PROC: variants seen among roughly 807,000 people sequenced by gnomAD.
PROC encodes protein C, inactivator of coagulation factors Va and VIIIa.
Under a neutral mutation model 36.3 loss-of-function variants are expected in PROC, and 22 were observed. The observed-to-expected ratio is 0.61, with a 90% CI of 0.43 to 0.86. The LOEUF (loss-of-function observed/expected upper bound fraction) is 0.86, where lower values mean the gene tolerates loss of function less well. PROC is among the 40% of genes least tolerant of loss of function. PROC has a pLI of 0.00. For synonymous variants in PROC, 218 were observed against 244.5 expected (o/e 0.89, Z 1.01); for missense variants, 526 against 629.7 (o/e 0.84, Z 1.76).
At position 127,419,620 on chromosome 2, in the gene PROC, C is replaced by T. The variant is rs1258101010; in HGVS notation, c.-21-302C>T. 7 of 474,520 alleles carry T rather than the reference C, an allele frequency of 1.5e-5. No homozygotes were observed. In the East Asian group the frequency reaches 2.2e-4, roughly 15 times the overall value. 29.4% of individuals were successfully genotyped at this position (474,520 alleles called of 1,614,324 possible). ...TCAACGTTAGCTAATATTCTCAGCC[C>T]AGTCATCAGACCGGCAGAGGCAGCC... On this transcript the variant is annotated intron_variant, in intron 1 of 8. Transcript: ENST00000234071.
rs1481967259 is a variant in PROC, at chr2:127,418,815, A to C, written c.-22+323A>C. ...GTGTCGGATTTGAACAAATCTCAGA[A>C]GTGGCCTCAGAGGGAGTCGGCAAGA... is the stretch of plus-strand genomic sequence containing the variant. On this transcript the variant is annotated intron_variant, in intron 1 of 8. Coordinates refer to ENST00000234071, the MANE Select transcript of PROC (RefSeq NM_000312.4). This position sits in a 1 kb window ranked among gnomAD's most constrained non-coding sequence, Gnocchi z 4.8. Among the ~76,000 whole-genome samples the C allele has an allele frequency of 1.3e-5, 2 of 152,198 alleles. No individual in the cohort carries two copies. The highest frequency in any genetic ancestry group is 2.9e-5 in the Non-Finnish European group (2 of 68,028).
intron 3 of PROC, among the ~76,000 whole-genome samples, chr2:127,421,784 C>A (rs980877866): frequency 6.6e-6 from 1 of 152,224 alleles, no homozygotes; most frequent in Non-Finnish European, 1.5e-5. Flanking sequence ...TAAAGACCAC[C>A]CTGCTTCCAC....
intron 2 of PROC, among the ~76,000 whole-genome samples, chr2:127,420,946 C>A (rs1196469766): frequency 6.6e-6 from 1 of 152,202 alleles, no homozygotes; most frequent in Non-Finnish European, 1.5e-5. Context: ...GGATGTTTTA[C>A]ATGACGGTCT....
intron 3 of PROC, among the ~76,000 whole-genome samples, chr2:127,422,564 G>A (rs1688164283): frequency 6.6e-6 from 1 of 152,284 alleles, no homozygotes; most frequent in South Asian, 2.1e-4. Flanking sequence ...CGCAGGCAGA[G>A]GGAGTGATGG....
At position 127,419,917 on chromosome 2, in the gene PROC, C is replaced by T. The variant is rs41269833; in HGVS notation, c.-21-5C>T. ...CACTGCCCGGAGCTCAGAAGTCCTC[C>T]TCAGACAGGTGCCAGTGCCTCCAGA... On this transcript the variant is annotated splice_polypyrimidine_tract_variant and splice_region_variant and intron_variant, in intron 1 of 8. Transcript: ENST00000234071. 2.8e-3 allele frequency: 4,462 copies of T among 1,613,952 alleles called. 5 individuals carry two copies. Among genetic ancestry groups the T allele is most frequent in the Non-Finnish European group, 3.2e-3 (3,737 of 1,179,998 alleles).
rs121918153 is a variant in PROC at position 127,426,208 on chromosome 2, G to A, written c.659G>A (p.Arg220Gln). The A allele has an allele frequency of 6.1e-5, 98 of 1,613,960 alleles. 1 individual carries two copies. Among genetic ancestry groups the A allele is most frequent in the South Asian group, 5.2e-4 (47 of 91,096 alleles). Residue 220 changes from arginine (R) to glutamine (Q), a missense_variant, in exon 7 of 9, where the codon CGG becomes CAG. By Grantham distance (43) the Arg-to-Gln change is conservative (BLOSUM62 1). Transcript: ENST00000234071. This position sits in a 1 kb window ranked among gnomAD's most constrained non-coding sequence, Gnocchi z 7.0. ...CTCATTGATGGGAAGATGACCAGGCGGGGAGACAGCCCCTGGCAGGTGGGA... is the reference window on the plus strand; with the variant it reads ...CTCATTGATGGGAAGATGACCAGGCAGGGAGACAGCCCCTGGCAGGTGGGA... ...PRLIDGKMTR[R>Q]GDSPWQVVLL...
Position 127,426,498 on chromosome 2 carries a change from C to T in PROC, c.678+271C>T, listed in dbSNP as rs540251479. ...TAAAAAGAGCTGGAAAGACACTGCT[C>T]TGCTGGCGGGATTTTAGGCAGAAGC... is the stretch of plus-strand genomic sequence containing the variant. On this transcript the variant is annotated intron_variant, in intron 7 of 8. Coordinates refer to ENST00000234071, the MANE Select transcript of PROC (RefSeq NM_000312.4). This position sits in a 1 kb window ranked among gnomAD's most constrained non-coding sequence, Gnocchi z 7.0. The T allele has an allele frequency of 3.9e-6, 2 of 511,036 alleles. No homozygotes were observed. The highest frequency in any genetic ancestry group is 1.9e-5 in the African/African-American group (1 of 51,932). 31.7% of individuals were successfully genotyped at this position (511,036 alleles called of 1,614,324 possible). A position where few individuals can be genotyped will look rare whatever the true frequency, so the allele number is the denominator to read the frequency against.
intron 8 of PROC, 141 bp from the exon 9 acceptor site, chr2:127,428,216 G>A (rs1031982882): frequency 2.0e-4 from 166 of 811,450 alleles, no homozygotes; most frequent in Middle Eastern, 3.4e-4. Flanking sequence ...CCTGGGACGT[G>A]TGGGTGCACA....
Position 127,429,129 on chromosome 2 carries a change from TA to T in PROC, c.*184del, listed in dbSNP as rs1474812479. 8 of 693,356 alleles carry T rather than the reference TA, an allele frequency of 1.2e-5. No individual in the cohort carries two copies. The highest frequency in any genetic ancestry group is 1.9e-5 in the Non-Finnish European group (8 of 414,864). The allele number at this position is 693,356 out of a possible 1,614,324, so 43.0% of individuals were successfully genotyped here. On this transcript the variant is annotated 3_prime_UTR_variant, in exon 9 of 9. Coordinates refer to ENST00000234071, the MANE Select transcript of PROC (RefSeq NM_000312.4). Reference sequence around the variant, plus strand: ...GCCTTATGAATAGAATCTTAACTCCTAGAGCAACTCTGTGGGGTGGGGAGGA... The same window carrying T: ...GCCTTATGAATAGAATCTTAACTCCTGAGCAACTCTGTGGGGTGGGGAGGA...
At chr2:127,420,236 G>A (rs1004986915) in intron 2 of PROC, among the ~76,000 whole-genome samples, 7 of 152,184 alleles carry the variant, frequency 4.6e-5, no homozygotes, top group South Asian at 2.1e-4. Context: ...GGAGCCCCGC[G>A]ATGACCTCCT....
rs757343064 is a variant in PROC, at chr2:127,423,404, C to T, written c.531C>T (p.Pro177=). The change falls in exon 6 of 9, where the codon CCC becomes CCT. Residue 177 remains proline, a synonymous_variant. Coordinates refer to ENST00000234071, the MANE Select transcript of PROC (RefSeq NM_000312.4). ...GGGACGACCTCCTGCAGTGTCACCC[C>T]GCAGGTGAGAAGCCCCCAATACATC... ...KLGDDLLQCH[P]AVKFPCGRPW... 5 of 1,549,708 alleles carry T rather than the reference C, an allele frequency of 3.2e-6. No individual in the cohort carries two copies. Among genetic ancestry groups the T allele is most frequent in the Admixed American group, 3.9e-5 (2 of 51,040 alleles).
rs140124870 is a variant in PROC at position 127,428,233 on chromosome 2, G to A, written c.797-124G>A. 237 of 935,574 alleles carry A rather than the reference G, an allele frequency of 2.5e-4. No homozygotes were observed. The African/African-American group carries it at 3.2e-3, about 13-fold the overall frequency. 58.0% of individuals were successfully genotyped at this position (935,574 alleles called of 1,614,324 possible). ...TGGGACGTGTGGGTGCACAGTCTCC[G>A]GGTGAACCTTCTTCAGGCCCTCTGC... is the stretch of plus-strand genomic sequence containing the variant. On this transcript the variant is annotated intron_variant, in intron 8 of 8. Transcript: ENST00000234071.
intron 8 of PROC, 88 bp from the exon 9 acceptor site, chr2:127,428,269 A>G: frequency 7.7e-7 from 1 of 1,291,464 alleles, no homozygotes; most frequent in South Asian, 1.2e-5. Context: ...CCAGGCCTGC[A>G]GGGGCACAGC....
intron 6 of PROC, among the ~76,000 whole-genome samples, chr2:127,424,206 CTT>C (rs112725831): frequency 3.3e-5 from 5 of 149,384 alleles, no homozygotes; most frequent in Non-Finnish European, 7.4e-5. Context: ...TCTTTTTTTT[CTT>C]TTTTTTTGAG....
chr2:127,420,115 G>C, intron 2 of PROC, 103 bp downstream of exon 2: 4 of 1,351,954 alleles, frequency 3.0e-6, no homozygotes, highest in Non-Finnish European at 4.2e-6. Context: ...TCTGAGCCCT[G>C]GGTGAGGTGA....
Position 127,420,011 on chromosome 2 carries a change from T to C in PROC, c.69T>C (p.Leu23=). The stretch of plus-strand genomic sequence containing the variant: ...GAATTTCCGGCACACCAGCTCCTCT[T>C]GGTAAGGCCACCCCACCCCTACCCC... ...TWGISGTPAP[L]DSVFSSSERA... The change falls in exon 2 of 9, where the codon CTT becomes CTC. Residue 23 remains leucine, a splice_region_variant and synonymous_variant. Coordinates refer to ENST00000234071, the MANE Select transcript of PROC (RefSeq NM_000312.4). The C allele has an allele frequency of 6.2e-7, 1 of 1,613,130 alleles. No individual in the cohort carries two copies.
At chr2:127,424,985 T>C (rs1688389966) in intron 6 of PROC, among the ~76,000 whole-genome samples, 1 of 152,208 alleles carries the variant, frequency 6.6e-6, no homozygotes, top group Admixed American at 6.5e-5. Context: ...CATGACTCCC[T>C]GTGGTCAGCT....
intron 6 of PROC, 117 bp from the exon 7 acceptor site, chr2:127,425,968 G>T: frequency 2.7e-6 from 3 of 1,129,460 alleles, no homozygotes; most frequent in Non-Finnish European, 4.0e-6. Flanking sequence ...AAGTATCATT[G>T]GTTCCTTGAA....
In PROC at chr2:127,421,266, C is replaced by T. The variant is rs138057813; in HGVS notation, c.71-17C>T. The T allele has an allele frequency of 7.7e-4, 1,245 of 1,613,368 alleles. No homozygotes were observed. Among genetic ancestry groups the T allele is most frequent in the Non-Finnish European group, 9.5e-4 (1,115 of 1,179,824 alleles). ...GGCCCCTCCACCAAGGTGAGCTCCC[C>T]CTCCCTCCAAAACCAGACTCAGTGT... On this transcript the variant is annotated splice_polypyrimidine_tract_variant and intron_variant, in intron 2 of 8. Coordinates refer to ENST00000234071, the MANE Select transcript of PROC (RefSeq NM_000312.4).
Sources: allele counts gnomAD v4.1 joint callset (sites outside exome capture counted in the v4.1 genomes callset), GRCh38; gene constraint gnomAD v4.1.1; non-coding constraint Gnocchi (gnomAD v3.1); transcripts MANE v1.5; gene names NCBI Gene and HGNC (gene_info 2026-07-23, HGNC 2026-07-21).